The following RANBP2 variants were observed in gnomAD, a reference collection of about 807,000 sequenced individuals.
RANBP2 encodes the protein RAN binding protein 2.
In RANBP2, 57 loss-of-function variants were observed where a neutral mutation model predicts 303.6. The ratio of observed to expected loss-of-function variants is 0.19; its 90% confidence interval spans 0.15 to 0.23. RANBP2 has a LOEUF of 0.23. RANBP2 is among the 10% of genes least tolerant of loss of function. The pLI is 1.00. For synonymous variants in RANBP2, 1,167 were observed against 1,301.5 expected (o/e 0.90, Z 2.23); for missense variants, 3,138 against 3,780.8 (o/e 0.83, Z 4.46).
the RANBP2 span, among the ~76,000 whole-genome samples, chr2:108,810,364 G>T: frequency 5.8e-3 from 878 of 152,200 alleles, 11 homozygotes; most frequent in African/African-American, 0.02. Context: ...AGATGTTGTT[G>T]AATTTTATCA....
At chr2:108,894,890 G>A in the RANBP2 span, 1 of 152,188 alleles carries the variant, frequency 6.6e-6, no homozygotes, top group South Asian at 2.1e-4. Context: ...TGAGGCCAAA[G>A]CACCAGGAGC....
intron 25 of RANBP2, among the ~76,000 whole-genome samples, 181 bp from the exon 26 acceptor site, chr2:108,781,088 C>T (rs1251891167): frequency 3.3e-5 from 5 of 152,080 alleles, no homozygotes; most frequent in South Asian, 2.1e-4. Flanking sequence ...CAGGTGACCT[C>T]GGCCTCCCAA....
chr2:108,912,524 G>C, the RANBP2 span, among the ~76,000 whole-genome samples: 2 of 152,128 alleles, frequency 1.3e-5, no homozygotes, highest in Non-Finnish European at 2.9e-5. Context: ...CTTCCTGCAC[G>C]GGGGGCAACA....
At chr2:108,923,425 T>C in the RANBP2 span, 8 of 1,614,094 alleles carry the variant, frequency 5.0e-6, no homozygotes, top group Non-Finnish European at 6.8e-6. Context: ...CCATAGATGT[T>C]CCTCGGTCTG....
At chr2:108,944,477 CATGGA>C in the RANBP2 span, among the ~76,000 whole-genome samples, 25 of 152,338 alleles carry the variant, frequency 1.6e-4, no homozygotes, top group Non-Finnish European at 1.0e-4. Context: ...CAACAATGGC[CATGGA>C]GCCAATGCTG....
At chr2:108,886,424 A>T in the RANBP2 span, among the ~76,000 whole-genome samples, 1 of 150,944 alleles carries the variant, frequency 6.6e-6, no homozygotes, top group East Asian at 2.0e-4. Flanking sequence ...CACTTTATTT[A>T]TTTTTTTTGA....
At chr2:109,133,476 C>G in the RANBP2 span, among the ~76,000 whole-genome samples, 1 of 152,292 alleles carries the variant, frequency 6.6e-6, no homozygotes, top group East Asian at 1.9e-4. Context: ...GAGTACAGAG[C>G]TGAGGACCTT....
the RANBP2 span, among the ~76,000 whole-genome samples, chr2:109,060,171 C>T: frequency 6.6e-6 from 1 of 152,128 alleles, no homozygotes; most frequent in Non-Finnish European, 1.5e-5. Flanking sequence ...CACTGCACTC[C>T]AGCCTGGGCG....
the RANBP2 span, among the ~76,000 whole-genome samples, chr2:108,944,241 G>A: frequency 6.6e-6 from 1 of 152,148 alleles, no homozygotes; most frequent in Non-Finnish European, 1.5e-5. Flanking sequence ...AGTCTCCCAA[G>A]TAGCTGGGAT....
At chr2:109,499,229 C>T in the RANBP2 span, among the ~76,000 whole-genome samples, 1 of 152,072 alleles carries the variant, frequency 6.6e-6, no homozygotes, top group African/African-American at 2.4e-5. Context: ...ACAGCCTCGG[C>T]GTCTGTGGAG....
Position 108,735,558 on chromosome 2 carries a change from A to G in RANBP2, c.432A>G (p.Glu144=), listed in dbSNP as rs915340430. ...LKEQLLDCEG[E]DGWNKLFDLI... is the part of the protein sequence containing the mutation. ...AACAGCTTCTAGATTGTGAAGGTGA[A>G]GATGGATGGAATAAACTTTTTGACT... The change falls in exon 5 of 29, where the codon GAA becomes GAG. Residue 144 remains glutamate, a synonymous_variant. Coordinates refer to ENST00000283195, the MANE Select transcript of RANBP2 (RefSeq NM_006267.5). The G allele has an allele frequency of 6.9e-6, 11 of 1,597,570 alleles. No individual in the cohort carries two copies. Among genetic ancestry groups the G allele is most frequent in the Non-Finnish European group, 9.3e-6 (11 of 1,179,788 alleles).
At chr2:108,815,599 G>A in the RANBP2 span, among the ~76,000 whole-genome samples, 2 of 150,762 alleles carry the variant, frequency 1.3e-5, no homozygotes, top group African/African-American at 4.9e-5. Context: ...CCGAGTAGCT[G>A]GGATTACAGG....
the RANBP2 span, among the ~76,000 whole-genome samples, chr2:109,388,345 A>G: frequency 6.6e-6 from 1 of 152,166 alleles, no homozygotes; most frequent in Non-Finnish European, 1.5e-5. Context: ...AACACATCCT[A>G]AAGAAAAGTT....
the RANBP2 span, among the ~76,000 whole-genome samples, chr2:108,857,563 T>C: frequency 6.6e-6 from 1 of 152,206 alleles, no homozygotes; most frequent in Admixed American, 6.5e-5. Context: ...TTTCCAGGTT[T>C]ATTTTCTTCT....
At chr2:109,449,095 A>G in the RANBP2 span, 2 of 1,513,718 alleles carry the variant, frequency 1.3e-6, no homozygotes, top group Non-Finnish European at 1.8e-6. Flanking sequence ...CTGAGTGTGC[A>G]TTGCAGCTGC....
the RANBP2 span, among the ~76,000 whole-genome samples, chr2:109,355,634 C>T: frequency 6.6e-6 from 1 of 152,184 alleles, no homozygotes; most frequent in Admixed American, 6.5e-5. Context: ...CTCCCTTCAG[C>T]GTGGCTTTCC....
At chr2:108,918,829 C>T in the RANBP2 span, among the ~76,000 whole-genome samples, 77 of 152,294 alleles carry the variant, frequency 5.1e-4, no homozygotes, top group African/African-American at 1.8e-3. Context: ...GGATTCTCTG[C>T]AGAGGGTAAA....
the RANBP2 span, among the ~76,000 whole-genome samples, chr2:109,553,585 G>T: frequency 2.7e-5 from 4 of 149,602 alleles, no homozygotes; most frequent in Non-Finnish European, 5.9e-5. Context: ...TGGCCTGGTG[G>T]CTCACGCCTG....
chr2:109,228,425 C>G, the RANBP2 span, among the ~76,000 whole-genome samples: 2 of 152,128 alleles, frequency 1.3e-5, no homozygotes, highest in African/African-American at 2.4e-5. Flanking sequence ...CACAATGCAC[C>G]CAGAACACTT....
Sources: gnomAD v4.1 joint callset for allele counts (sites outside exome capture counted in the v4.1 genomes callset) on GRCh38, gnomAD v4.1.1 for gene constraint, MANE v1.5 for transcripts, NCBI Gene and HGNC (gene_info 2026-07-23, HGNC 2026-07-21) for gene names.